MPDZ: variants seen among roughly 807,000 people sequenced by gnomAD.
MPDZ encodes the protein multiple PDZ domain protein.
A neutral mutation model predicts 239.1 loss-of-function variants in MPDZ; 234 were observed. The observed-to-expected ratio is 0.98, with a 90% CI of 0.88 to 1.09. MPDZ has a LOEUF of 1.09. Among genes scored for constraint, MPDZ ranks in the 50% least tolerant of loss-of-function variants. MPDZ has a pLI of 0.00. For missense variants in MPDZ, 3,175 were observed against 2,510.0 expected (o/e 1.26, Z -5.66); for synonymous variants, 1,048 against 881.3 (o/e 1.19, Z -3.35).
chr9:13,198,130 T>A (rs1351768474), intron 12 of MPDZ, among the ~76,000 whole-genome samples: 1 of 152,110 alleles, frequency 6.6e-6, no homozygotes, highest in Admixed American at 6.6e-5. Context: ...GACTGCTGGA[T>A]CATATGGTAG....
chr9:13,161,565 C>T (rs1950495604), intron 23 of MPDZ, among the ~76,000 whole-genome samples: 2 of 151,846 alleles, frequency 1.3e-5, no homozygotes, highest in South Asian at 4.1e-4. Context: ...AAGAGTGAAA[C>T]TCCGTCTCAA....
chr9:13,148,048 T>C (rs1028698730), intron 25 of MPDZ, among the ~76,000 whole-genome samples: 1 of 151,996 alleles, frequency 6.6e-6, no homozygotes, highest in Non-Finnish European at 1.5e-5. Flanking sequence ...TAATTGACTA[T>C]AGGGTGGTTT....
intron 32 of MPDZ, 144 bp downstream of exon 32, chr9:13,133,680 G>A (rs1016254548): frequency 1.9e-6 from 1 of 517,528 alleles, no homozygotes; most frequent in Non-Finnish European, 3.4e-6. Context: ...AAGTTTGAGT[G>A]GGCCCAAGTA....
intron 40 of MPDZ, 65 bp downstream of exon 40, chr9:13,115,183 G>C (rs1356397982): frequency 2.9e-6 from 4 of 1,389,378 alleles, no homozygotes; most frequent in Non-Finnish European, 4.1e-6. Context: ...CCCACAGTCA[G>C]GGCCATCTAT....
At chr9:13,193,340 A>T in intron 13 of MPDZ, 27 bp from the exon 14 acceptor site, 1 of 1,568,892 alleles carries the variant, frequency 6.4e-7, no homozygotes, top group South Asian at 1.2e-5. Flanking sequence ...AAAGATCACC[A>T]CAATTTTTAT....
rs746081747 is a variant in MPDZ, at chr9:13,122,154, T to C, written c.4970A>G (p.His1657Arg). 1.2e-6 allele frequency: 2 copies of C among 1,613,880 alleles called. No individual in the cohort carries two copies. The highest frequency in any genetic ancestry group is 1.3e-5 in the African/African-American group (1 of 74,928). ...SDTLLGAIII[H>R]EVYEEGAACK... ...TGCTGCTCCTTCTTCATAAACTTCATGGATAATAATGGCACCCTAAGGGCC... is the reference window on the plus strand; with the variant it reads ...TGCTGCTCCTTCTTCATAAACTTCACGGATAATAATGGCACCCTAAGGGCC... Residue 1657 changes from histidine to arginine, a missense_variant, in exon 37 of 47, where the codon CAT (histidine) becomes CGT (arginine). Transcript: ENST00000319217.
intron 1 of MPDZ, among the ~76,000 whole-genome samples, chr9:13,264,693 G>A (rs993619058): frequency 6.7e-6 from 1 of 150,272 alleles, no homozygotes; most frequent in African/African-American, 2.4e-5. Flanking sequence ...ATACACATTA[G>A]GGAACTATGG....
chr9:13,238,542 T>A (rs1330470269), intron 3 of MPDZ, among the ~76,000 whole-genome samples: 1 of 152,138 alleles, frequency 6.6e-6, no homozygotes, highest in African/African-American at 2.4e-5. Flanking sequence ...ATTAAACTTT[T>A]CATTCCTCAA....
In MPDZ at chr9:13,247,366, T is replaced by C. The variant is rs140258739; in HGVS notation, c.183+269A>G. Among the ~76,000 whole-genome samples the C allele has an allele frequency of 5.3e-5, 8 of 152,286 alleles. No individual in the cohort carries two copies. In the East Asian group the frequency reaches 1.5e-3, roughly 29 times the overall value. ...GCCAACCATCCTAAACATATTTTTA[T>C]CATCCGTTTTTCCTGTAGAAACTCA... is the stretch of plus-strand genomic sequence containing the variant. On this transcript the variant is annotated intron_variant, in intron 3 of 46. Coordinates refer to ENST00000319217, the MANE Select transcript of MPDZ (RefSeq NM_001378778.1).
At chr9:13,254,112 C>G (rs1968812586) in intron 1 of MPDZ, among the ~76,000 whole-genome samples, 1 of 152,098 alleles carries the variant, frequency 6.6e-6, no homozygotes, top group Admixed American at 6.5e-5. Flanking sequence ...CCATGCTCTA[C>G]ATAAAGTGAA....
chr9:13,235,604 T>C (rs373532456), intron 3 of MPDZ, among the ~76,000 whole-genome samples: 1 of 152,332 alleles, frequency 6.6e-6, no homozygotes, highest in East Asian at 1.9e-4. Flanking sequence ...CATTATACTT[T>C]GCAGATATTT....
At chr9:13,125,172 G>A in intron 35 of MPDZ, 44 bp downstream of exon 35, 1 of 1,478,342 alleles carries the variant, frequency 6.8e-7, no homozygotes, top group South Asian at 1.5e-5. Context: ...GCTGAGTTCA[G>A]GTGTTCCATA....
At chr9:13,181,899 G>A (rs10809913) in intron 19 of MPDZ, among the ~76,000 whole-genome samples, 48,916 of 151,970 alleles carry the variant, frequency 0.32, 8,475 homozygotes, top group East Asian at 0.47. Context: ...AGTAAAGACT[G>A]AACACATTCC....
intron 22 of MPDZ, chr9:13,165,272 A>G: frequency 8.3e-7 from 1 of 1,203,406 alleles, no homozygotes; most frequent in East Asian, 2.6e-5. Context: ...ATCTGGATCT[A>G]TTCTTGCATT....
At chr9:13,139,958 A>G in intron 28 of MPDZ, 29 bp downstream of exon 28, 1 of 1,613,004 alleles carries the variant, frequency 6.2e-7, no homozygotes, top group Non-Finnish European at 8.5e-7. Flanking sequence ...ACCTCTTACA[A>G]TTAAATGCAT....
chr9:13,119,788 G>A (rs1228155264), intron 38 of MPDZ, 139 bp from the exon 39 acceptor site: 7 of 840,402 alleles, frequency 8.3e-6, no homozygotes, highest in South Asian at 7.7e-5. Context: ...AGCAACACTG[G>A]GGCAACATTA....
At position 13,217,191 on chromosome 9, in the gene MPDZ, T is replaced by A. The variant is rs755709343; in HGVS notation, c.1190A>T (p.Asp397Val). ...LGITIAGYIG[D>V]KKLEPSGIFV... Reference sequence around the variant, plus strand: ...ATGTTTAAAATTACCCAATTTTTTATCTCCAATGTAGCCAGCAATGGTAAT... The same window carrying A: ...ATGTTTAAAATTACCCAATTTTTTAACTCCAATGTAGCCAGCAATGGTAAT... Residue 397 changes from aspartate (D) to valine (V), a missense_variant, in exon 9 of 47, where the codon GAT becomes GTT. Coordinates refer to ENST00000319217, the MANE Select transcript of MPDZ (RefSeq NM_001378778.1). 3 of 1,581,714 alleles carry A rather than the reference T, an allele frequency of 1.9e-6. No individual in the cohort carries two copies. The highest frequency in any genetic ancestry group is 2.6e-6 in the Non-Finnish European group (3 of 1,163,174).
chr9:13,222,156 CA>C, intron 6 of MPDZ, 76 bp downstream of exon 6: 1 of 1,234,910 alleles, frequency 8.1e-7, no homozygotes. Flanking sequence ...AGACCCTACA[CA>C]AATTAGAAAC....
At chr9:13,222,184 AC>A (rs780366802) in intron 6 of MPDZ, 48 bp downstream of exon 6, 6 of 1,504,466 alleles carry the variant, frequency 4.0e-6, no homozygotes, top group Non-Finnish European at 5.4e-6. Context: ...ATAACCAAAA[AC>A]AACTTGAAAA....
Sources: allele counts gnomAD v4.1 joint callset (sites outside exome capture counted in the v4.1 genomes callset), GRCh38; gene constraint gnomAD v4.1.1; transcripts MANE v1.5; gene names NCBI Gene and HGNC (gene_info 2026-07-23, HGNC 2026-07-21).